Variants in CEP85L observed in about 807,000 individuals in gnomAD.
CEP85L encodes centrosomal protein of 85 kDa-like.
A neutral mutation model predicts 100.3 loss-of-function variants in CEP85L; 60 were observed. That is an observed-to-expected ratio of 0.60 (90% CI 0.49 to 0.74). The LOEUF is 0.74. Ranked by LOEUF, CEP85L falls within the 30% of genes least tolerant of loss-of-function variation. The pLI, the probability that CEP85L is intolerant of heterozygous loss-of-function variation, is 0.00. For synonymous variants in CEP85L, 319 were observed against 322.7 expected (o/e 0.99, Z 0.12); for missense variants, 973 against 936.2 (o/e 1.04, Z -0.51).
At chr6:118,680,998 G>C (rs1776640604) in intron 1 of CEP85L, among the ~76,000 whole-genome samples, 1 of 152,162 alleles carries the variant, frequency 6.6e-6, no homozygotes, top group South Asian at 2.1e-4. Context: ...ACTTGGTTTT[G>C]AATCCACAAC....
chr6:118,534,498 C>T (rs1332177107), intron 3 of CEP85L, among the ~76,000 whole-genome samples: 3 of 151,826 alleles, frequency 2.0e-5, no homozygotes, highest in Non-Finnish European at 4.4e-5. Context: ...ACTAAAAATA[C>T]AGAAATTAGC....
At chr6:118,605,038 C>T (rs1285056880) in intron 2 of CEP85L, among the ~76,000 whole-genome samples, 2 of 152,086 alleles carry the variant, frequency 1.3e-5, no homozygotes, top group Non-Finnish European at 2.9e-5. Flanking sequence ...GAAGATTCCG[C>T]ACGTGTAAGA....
chr6:118,558,036 C>T (rs1341472869), intron 3 of CEP85L, among the ~76,000 whole-genome samples: 2 of 151,490 alleles, frequency 1.3e-5, no homozygotes. Flanking sequence ...ATGATCTGGG[C>T]TCAATGCAAC....
intron 3 of CEP85L, chr6:118,537,401 C>T (rs1030195696): frequency 2.5e-5 from 12 of 473,656 alleles, no homozygotes; most frequent in Middle Eastern, 1.0e-3. Flanking sequence ...TCAGGGAGCA[C>T]TGGGAAGGCC....
chr6:118,691,136 C>G (rs1276198587), intron 1 of CEP85L, among the ~76,000 whole-genome samples: 5 of 62,518 alleles, frequency 8.0e-5, no homozygotes, highest in Admixed American at 6.0e-4. Flanking sequence ...CAAAGGAGGC[C>G]AGGCGTGGTG....
intron 2 of CEP85L, among the ~76,000 whole-genome samples, chr6:118,619,954 C>T (rs1051525861): frequency 1.3e-5 from 2 of 152,190 alleles, no homozygotes; most frequent in Non-Finnish European, 2.9e-5. Flanking sequence ...GAGGTCACCG[C>T]TGTAGACCCT....
At chr6:118,577,526 G>A (rs889019876) in intron 2 of CEP85L, among the ~76,000 whole-genome samples, 4 of 152,132 alleles carry the variant, frequency 2.6e-5, no homozygotes, top group African/African-American at 9.6e-5. Context: ...TGTTCTCGTG[G>A]GTAACTATAA....
chr6:118,478,797 CAT>C lies in CEP85L; in HGVS notation c.1914+1072_1914+1073del, dbSNP rs1191794573. 9.9e-5 allele frequency among the ~76,000 whole-genome samples: 15 copies of C among 152,020 alleles called. 1 individual carries two copies. The highest frequency in any genetic ancestry group is 1.5e-5 in the Non-Finnish European group (1 of 67,968). On this transcript the variant is annotated intron_variant, in intron 10 of 12. Coordinates refer to ENST00000368491, the MANE Select transcript of CEP85L (RefSeq NM_001042475.3). The stretch of plus-strand genomic sequence containing the variant: ...TACATGTGACTACAGACTTGGTTAA[CAT>C]ATAAGAGTAAATTGCAGTAAGATGC...
chr6:118,524,306 T>C (rs1329820792), intron 3 of CEP85L, among the ~76,000 whole-genome samples: 1 of 152,008 alleles, frequency 6.6e-6, no homozygotes, highest in Non-Finnish European at 1.5e-5. Flanking sequence ...TAGCCAGGCG[T>C]GGTGGCAGGC....
chr6:118,525,189 G>A (rs1776895328), intron 3 of CEP85L, among the ~76,000 whole-genome samples: 1 of 152,190 alleles, frequency 6.6e-6, no homozygotes, highest in Middle Eastern at 3.4e-3. Flanking sequence ...TAGATAATTT[G>A]GATGAAATAT....
intron 1 of CEP85L, among the ~76,000 whole-genome samples, chr6:118,694,023 C>T (rs1415924986): frequency 6.6e-6 from 1 of 152,100 alleles, no homozygotes; most frequent in African/African-American, 2.4e-5. Flanking sequence ...GAGGAATTTC[C>T]CAAACAGAAG....
chr6:118,606,013 CAAAA>C (rs61023993), intron 2 of CEP85L, among the ~76,000 whole-genome samples: 2 of 102,004 alleles, frequency 2.0e-5, no homozygotes, highest in Middle Eastern at 4.8e-3. Flanking sequence ...GACTCTGTCT[CAAAA>C]AAAAAAAAAA....
intron 2 of CEP85L, among the ~76,000 whole-genome samples, chr6:118,611,768 T>C (rs148213026): frequency 6.6e-5 from 10 of 152,298 alleles, no homozygotes; most frequent in East Asian, 3.9e-4. Flanking sequence ...AGGGACATTA[T>C]ATAATGATAA....
At chr6:118,705,484 GAAC>G (rs2114379993) in intron 1 of CEP85L, among the ~76,000 whole-genome samples, 1 of 152,328 alleles carries the variant, frequency 6.6e-6, no homozygotes, top group South Asian at 2.1e-4. Flanking sequence ...CTTGACCCCG[GAAC>G]CAAATCCAGC....
chr6:118,493,452 G>A (rs2114619536), intron 5 of CEP85L, among the ~76,000 whole-genome samples: 1 of 152,278 alleles, frequency 6.6e-6, no homozygotes, highest in Middle Eastern at 3.4e-3. Context: ...AGACAAGAGA[G>A]TGCTAGAAGA....
intron 1 of CEP85L, among the ~76,000 whole-genome samples, chr6:118,677,410 T>TGCC (rs765171741): frequency 2.2e-3 from 328 of 152,314 alleles, no homozygotes; most frequent in Non-Finnish European, 3.5e-3. Context: ...TTTGTCTGGC[T>TGCC]GCCAGTTGGA....
At chr6:118,685,197 T>C (rs1030191492) in intron 1 of CEP85L, among the ~76,000 whole-genome samples, 3 of 152,116 alleles carry the variant, frequency 2.0e-5, no homozygotes, top group Admixed American at 1.3e-4. Flanking sequence ...ATAAAGAATA[T>C]AAATAATTGC....
Position 118,558,626 on chromosome 6 carries a change from TACACACACACAC to T in CEP85L, c.1020+6891_1020+6902del, listed in dbSNP as rs371775061. ...ACAGACACATAGAAACACGTGCACA[TACACACACACAC>T]ACACACACACACACACACACACAGA... On this transcript the variant is annotated intron_variant, in intron 3 of 12. Transcript: ENST00000368491. 3.4e-3 allele frequency among the ~76,000 whole-genome samples: 381 copies of T among 111,660 alleles called. 1 individual carries two copies. The highest frequency in any genetic ancestry group is 0.014 in the Middle Eastern group (3 of 208). 73.3% of individuals were successfully genotyped at this position (111,660 alleles called of 152,430 possible).
intron 3 of CEP85L, among the ~76,000 whole-genome samples, chr6:118,530,167 T>C (rs900453124): frequency 6.6e-6 from 1 of 152,086 alleles, no homozygotes; most frequent in Non-Finnish European, 1.5e-5. Context: ...TAAGAATAAA[T>C]GGAGACATAA....
Sources: gnomAD v4.1 joint callset for allele counts (sites outside exome capture counted in the v4.1 genomes callset) on GRCh38, gnomAD v4.1.1 for gene constraint, MANE v1.5 for transcripts, NCBI Gene and HGNC (gene_info 2026-07-23, HGNC 2026-07-21) for gene names.